Variants in CCSER1 observed in about 807,000 individuals in gnomAD.
The protein encoded by CCSER1 is coiled-coil serine rich protein 1, also known as serine-rich coiled-coil domain-containing protein 1.
Under a neutral mutation model 82.0 loss-of-function variants are expected in CCSER1, and 41 were observed. That is an observed-to-expected ratio of 0.50 (90% CI 0.39 to 0.65). The LOEUF is 0.65. Among genes scored for constraint, CCSER1 ranks in the 30% least tolerant of loss-of-function variants. The pLI is 0.00. For missense variants in CCSER1, 1,119 were observed against 1,064.2 expected, an observed-to-expected ratio of 1.05 and a Z score of -0.72; for synonymous variants, 414 against 383.9, an observed-to-expected ratio of 1.08 and a Z score of -0.92.
chr4:90,325,797 A>T (rs1422725743), intron 3 of CCSER1: 2 of 250,398 alleles, frequency 8.0e-6, no homozygotes, highest in Non-Finnish European at 1.7e-5. Context: ...AATTAACATC[A>T]ATAAATTAAA....
At chr4:91,496,418 G>A (rs1255558591) in intron 10 of CCSER1, among the ~76,000 whole-genome samples, 1 of 149,208 alleles carries the variant, frequency 6.7e-6, no homozygotes, top group Non-Finnish European at 1.5e-5. Flanking sequence ...TTCATTTTGA[G>A]CACCAAAACT....
chr4:91,471,969 C>CAA (rs11313305), intron 10 of CCSER1, among the ~76,000 whole-genome samples: 1 of 88,102 alleles, frequency 1.1e-5, no homozygotes, highest in African/African-American at 4.1e-5. Flanking sequence ...CACTCCATCT[C>CAA]AAAAAAAAAA....
chr4:91,239,244 C>T (rs1739262335), intron 10 of CCSER1, among the ~76,000 whole-genome samples: 1 of 106,304 alleles, frequency 9.4e-6, no homozygotes, highest in Non-Finnish European at 1.9e-5. Context: ...CTAGATCACA[C>T]AGCTAGTAAG....
chr4:90,308,207 T>G, intron 1 of CCSER1, 37 bp from the exon 2 acceptor site: 1 of 1,367,522 alleles, frequency 7.3e-7, no homozygotes, highest in Non-Finnish European at 9.7e-7. Flanking sequence ...GTAGTTGAAT[T>G]CTATTGACTT....
At chr4:91,136,446 G>A (rs910958479) in intron 10 of CCSER1, among the ~76,000 whole-genome samples, 3 of 152,124 alleles carry the variant, frequency 2.0e-5, no homozygotes, top group African/African-American at 4.8e-5. Context: ...GTGAGCATCT[G>A]TAAATTCTTT....
intron 10 of CCSER1, among the ~76,000 whole-genome samples, chr4:91,482,747 T>C (rs1471535016): frequency 6.6e-6 from 1 of 152,166 alleles, no homozygotes; most frequent in Admixed American, 6.5e-5. Context: ...ATATACACCA[T>C]GGAATACTAT....
chr4:90,881,287 G>C (rs947547238), intron 8 of CCSER1, among the ~76,000 whole-genome samples: 4 of 151,958 alleles, frequency 2.6e-5, no homozygotes, highest in African/African-American at 9.7e-5. Context: ...CAGGAGAGGA[G>C]AGAGGCAGAG....
At chr4:90,375,970 G>C (rs868722262) in intron 3 of CCSER1, among the ~76,000 whole-genome samples, 2 of 152,174 alleles carry the variant, frequency 1.3e-5, no homozygotes, top group Non-Finnish European at 2.9e-5. Flanking sequence ...TCCACATGGG[G>C]AGGAAAAACA....
chr4:91,027,882 T>C (rs1439132122), intron 9 of CCSER1, among the ~76,000 whole-genome samples: 2 of 152,078 alleles, frequency 1.3e-5, no homozygotes, highest in African/African-American at 4.8e-5. Context: ...AACTATATTG[T>C]CAGAAATAGC....
At chr4:91,543,163 C>T (rs972030119) in intron 10 of CCSER1, among the ~76,000 whole-genome samples, 2 of 152,108 alleles carry the variant, frequency 1.3e-5, no homozygotes, top group Non-Finnish European at 2.9e-5. Flanking sequence ...GGTAGATCTT[C>T]CTCCATCCCC....
intron 10 of CCSER1, among the ~76,000 whole-genome samples, chr4:91,480,583 C>T (rs896287478): frequency 9.2e-5 from 14 of 152,156 alleles, no homozygotes; most frequent in Non-Finnish European, 2.1e-4. Context: ...TGTACTGTAA[C>T]AGAAATGTTT....
Position 91,407,864 on chromosome 4 carries a change from T to C in CCSER1, c.2218-190708T>C, listed in dbSNP as rs115310021. 4.4e-3 allele frequency among the ~76,000 whole-genome samples: 675 copies of C among 152,266 alleles called. 6 individuals are homozygous for C. The highest frequency in any genetic ancestry group is 0.015 in the African/African-American group (628 of 41,560). On this transcript the variant is annotated intron_variant, in intron 10 of 10. Transcript: ENST00000509176. ...CAACACTGGGGATGAAATTTCAACA[T>C]GAGGTGTGGAGAGTCAAATATTCAA...
intron 1 of CCSER1, among the ~76,000 whole-genome samples, chr4:90,199,346 C>T (rs1012857412): frequency 1.4e-4 from 21 of 152,048 alleles, no homozygotes; most frequent in African/African-American, 5.1e-4. Context: ...TACTTTTTCT[C>T]TAAATGAAGA....
At chr4:90,239,435 T>A (rs1019016675) in intron 1 of CCSER1, among the ~76,000 whole-genome samples, 1 of 152,202 alleles carries the variant, frequency 6.6e-6, no homozygotes, top group Non-Finnish European at 1.5e-5. Flanking sequence ...TAGCTAATAT[T>A]CAAAATAACT....
intron 8 of CCSER1, among the ~76,000 whole-genome samples, chr4:90,832,563 A>G (rs1400803287): frequency 6.6e-6 from 1 of 152,110 alleles, no homozygotes; most frequent in Non-Finnish European, 1.5e-5. Flanking sequence ...GAGATCCATA[A>G]AAAAATAAAA....
intron 6 of CCSER1, among the ~76,000 whole-genome samples, chr4:90,661,128 G>T (rs1461423296): frequency 3.3e-5 from 5 of 152,124 alleles, no homozygotes; most frequent in African/African-American, 1.2e-4. Context: ...CAAATAGTGT[G>T]ATAAACATTT....
intron 10 of CCSER1, among the ~76,000 whole-genome samples, chr4:91,089,903 C>G (rs547894757): frequency 6.6e-6 from 1 of 152,144 alleles, no homozygotes; most frequent in African/African-American, 2.4e-5. Flanking sequence ...TCCACAAACT[C>G]CTCCTTCAGC....
At chr4:90,714,935 A>G (rs1159187272) in intron 6 of CCSER1, among the ~76,000 whole-genome samples, 1 of 150,116 alleles carries the variant, frequency 6.7e-6, no homozygotes, top group Non-Finnish European at 1.5e-5. Context: ...AGCTAGTATG[A>G]ATGGTAGTCA....
chr4:90,624,422 T>C (rs1200572882), intron 5 of CCSER1, among the ~76,000 whole-genome samples: 1 of 152,180 alleles, frequency 6.6e-6, no homozygotes, highest in Non-Finnish European at 1.5e-5. Context: ...CATAAAAATA[T>C]TCTTACTTTC....
Sources: gnomAD v4.1 joint callset for allele counts (sites outside exome capture counted in the v4.1 genomes callset) on GRCh38, gnomAD v4.1.1 for gene constraint, MANE v1.5 for transcripts, NCBI Gene and HGNC (gene_info 2026-07-23, HGNC 2026-07-21) for gene names.